The following LTV1 variants were observed in gnomAD, a reference collection of about 807,000 sequenced individuals.
LTV1 encodes LTV1 ribosome biogenesis factor.
A neutral mutation model predicts 59.9 loss-of-function variants in LTV1; 39 were observed. The ratio of observed to expected loss-of-function variants is 0.65; its 90% confidence interval spans 0.50 to 0.85. LTV1 has a LOEUF of 0.85. Among genes scored for constraint, LTV1 ranks in the 40% least tolerant of loss-of-function variants. LTV1 has a pLI of 0.00. For synonymous variants in LTV1, 171 were observed against 189.5 expected (o/e 0.90, Z 0.80); for missense variants, 493 against 549.1 (o/e 0.90, Z 1.02).
At chr6:143,860,282 C>A in intron 6 of LTV1, 144 bp from the exon 7 acceptor site, 1 of 629,250 alleles carries the variant, frequency 1.6e-6, no homozygotes, top group Admixed American at 3.0e-5. Context: ...TGCATTAAAT[C>A]CCTACTGATA....
Position 143,846,092 on chromosome 6 carries a change from A to G in LTV1, c.177A>G (p.Gly59=), listed in dbSNP as rs755884990. ...GGCGAGCAGAACAGAGGAAGTATGG[A>G]GTGTTCTTTGATGACGACTATGACT... ...EERRAEQRKY[G]VFFDDDYDYL... is the part of the protein sequence containing the mutation. The change falls in exon 3 of 11, where the codon GGA becomes GGG. Residue 59 remains glycine, a synonymous_variant. Transcript: ENST00000367576. 1 of 1,614,218 alleles carries G rather than the reference A, an allele frequency of 6.2e-7. No individual in the cohort carries two copies. Among genetic ancestry groups the G allele is most frequent in the East Asian group, 2.2e-5 (1 of 44,878 alleles).
rs189686322 is a variant in LTV1 at position 143,847,549 on chromosome 6, C to T, written c.309+1325C>T. ...GCTAATTTTGTATTTTTAGTAGAGC[C>T]GGGGTTTCTCCGTGTTGGTCAGGCT... is the stretch of plus-strand genomic sequence containing the variant. On this transcript the variant is annotated intron_variant, in intron 3 of 10. Transcript: ENST00000367576. 7.2e-5 allele frequency among the ~76,000 whole-genome samples: 11 copies of T among 152,220 alleles called. No individual in the cohort carries two copies. The East Asian group carries it at 1.7e-3, about 24-fold the overall frequency.
intron 6 of LTV1, 86 bp from the exon 7 acceptor site, chr6:143,860,340 A>C: frequency 8.8e-7 from 1 of 1,138,934 alleles, no homozygotes; most frequent in Non-Finnish European, 1.2e-6. Context: ...GTGTAAGAAT[A>C]AAGTTAATGT....
At position 143,855,954 on chromosome 6, in the gene LTV1, G is replaced by GTGTTCTCTGTGT. The variant is rs1554234802; in HGVS notation, c.398-1348_398-1347insGTTCTCTGTGTT. Reference sequence around the variant, plus strand: ...GCTCTTCTCGAGGAGTATCTTTGTGGTTCCTGAATTTGAATGTTGGCCTCT... The same window carrying GTGTTCTCTGTGT: ...GCTCTTCTCGAGGAGTATCTTTGTGGTGTTCTCTGTGTTTCCTGAATTTGAATGTTGGCCTCT... On this transcript the variant is annotated intron_variant, in intron 4 of 10. Coordinates refer to ENST00000367576, the MANE Select transcript of LTV1 (RefSeq NM_032860.5). The surrounding 1 kb of genome is among the most constrained non-coding windows in gnomAD (Gnocchi z 4.6). Among the ~76,000 whole-genome samples, 2 of 151,072 alleles carry GTGTTCTCTGTGT rather than the reference G, an allele frequency of 1.3e-5. No homozygotes were observed. Among genetic ancestry groups the GTGTTCTCTGTGT allele is most frequent in the Admixed American group, 6.6e-5 (1 of 15,160 alleles).
chr6:143,846,706 T>A (rs1171353312), intron 3 of LTV1, among the ~76,000 whole-genome samples: 1 of 152,238 alleles, frequency 6.6e-6, no homozygotes, highest in East Asian at 1.9e-4. Context: ...CTTTAATACC[T>A]TCTCTTTCAG....
In LTV1 at chr6:143,857,869, C is replaced by CG. The variant is rs773808886; in HGVS notation, c.659dup (p.Thr222AsnfsTer13). The CG allele has an allele frequency of 6.2e-7, 1 of 1,613,966 alleles. No individual in the cohort carries two copies. The highest frequency in any genetic ancestry group is 1.1e-5 in the South Asian group (1 of 91,074). On this transcript the variant is annotated frameshift_variant, in exon 6 of 11. Coordinates refer to ENST00000367576, the MANE Select transcript of LTV1 (RefSeq NM_032860.5). LOFTEE classifies it high-confidence loss of function. The surrounding 1 kb of genome is among the most constrained non-coding windows in gnomAD (Gnocchi z 5.2). ...CAGATGAAGACTGTATGTCTGTGCCCGGAAAAACTCACAGAGCTATAGCAG... is the reference window on the plus strand; with the variant it reads ...CAGATGAAGACTGTATGTCTGTGCCCGGGAAAAACTCACAGAGCTATAGCAG...
At chr6:143,850,034 T>C (rs1037203301) in intron 3 of LTV1, 97 bp from the exon 4 acceptor site, 4 of 873,454 alleles carry the variant, frequency 4.6e-6, no homozygotes, top group Non-Finnish European at 7.6e-6. Flanking sequence ...AGTCTAAGGT[T>C]CTGGATGGAC....
Position 143,860,868 on chromosome 6 carries a change from G to A in LTV1, c.923+315G>A, listed in dbSNP as rs558604397. Reference sequence around the variant, plus strand: ...TCTCCGTATCTTTGACTGGAGAAGAGTCATGGTAGAATGTGTATTCGTTTA... The same window carrying A: ...TCTCCGTATCTTTGACTGGAGAAGAATCATGGTAGAATGTGTATTCGTTTA... On this transcript the variant is annotated intron_variant, in intron 7 of 10. Coordinates refer to ENST00000367576, the MANE Select transcript of LTV1 (RefSeq NM_032860.5). Among the ~76,000 whole-genome samples, 86 of 152,038 alleles carry A rather than the reference G, an allele frequency of 5.7e-4. 2 individuals are homozygous for A. Among genetic ancestry groups the A allele is most frequent in the African/African-American group, 2.0e-3 (83 of 41,482 alleles).
At chr6:143,846,015 A>T in intron 2 of LTV1, 36 bp from the exon 3 acceptor site, 1 of 1,599,618 alleles carries the variant, frequency 6.3e-7, no homozygotes, top group Non-Finnish European at 8.5e-7. Flanking sequence ...TTGTTTATAG[A>T]TAGTGAAGAA....
intron 4 of LTV1, among the ~76,000 whole-genome samples, chr6:143,851,454 CA>C (rs1776982449): frequency 6.6e-6 from 1 of 152,026 alleles, no homozygotes; most frequent in Non-Finnish European, 1.5e-5. Flanking sequence ...ATTTAAAGGC[CA>C]GTTTCTTCTT....
At chr6:143,858,433 C>G in intron 6 of LTV1, 1 of 175,470 alleles carries the variant, frequency 5.7e-6, no homozygotes, top group Admixed American at 5.4e-5. Context: ...GCCCTTAAAC[C>G]CTCACCATCT....
rs1380414702 is a variant in LTV1 at position 143,843,417 on chromosome 6, C to A, written c.-61C>A. ...GCCTTCAGCTGGACCTTGGTCTCCC[C>A]GCCGGACTTCGAGGGTGTCATCGCC... On this transcript the variant is annotated 5_prime_UTR_variant, in exon 1 of 11. Coordinates refer to ENST00000367576, the MANE Select transcript of LTV1 (RefSeq NM_032860.5). 6.2e-6 allele frequency: 10 copies of A among 1,609,720 alleles called. No homozygotes were observed. The highest frequency in any genetic ancestry group is 8.5e-6 in the Non-Finnish European group (10 of 1,178,986).
intron 3 of LTV1, among the ~76,000 whole-genome samples, chr6:143,849,312 A>G (rs987369697): frequency 2.0e-5 from 3 of 152,224 alleles, no homozygotes; most frequent in Admixed American, 2.0e-4. Flanking sequence ...CAATTCATAC[A>G]AGGGCTGTGC....
chr6:143,845,513 C>T (rs1466289417), intron 2 of LTV1, among the ~76,000 whole-genome samples: 2 of 152,140 alleles, frequency 1.3e-5, no homozygotes, highest in Non-Finnish European at 2.9e-5. Flanking sequence ...GTAGCCGGTA[C>T]TACAGGCACA....
chr6:143,858,447 ATGT>A (rs1777114228), intron 6 of LTV1: 1 of 170,968 alleles, frequency 5.8e-6, no homozygotes, highest in Non-Finnish European at 1.3e-5. Context: ...ACCATCTCTA[ATGT>A]TGTGCTTCTT....
intron 4 of LTV1, among the ~76,000 whole-genome samples, chr6:143,850,462 C>T (rs900121563): frequency 6.6e-6 from 1 of 152,138 alleles, no homozygotes; most frequent in Non-Finnish European, 1.5e-5. Flanking sequence ...TCTTGGTAAT[C>T]TAGTTAGGGG....
rs1777182078 is a variant in LTV1, at chr6:143,862,474, T to C, written c.1063+231T>C. Reference sequence around the variant, plus strand: ...GGTGGCAGGCAACTGTAATCCCAGCTGCTCGAGAGGCTGAGGCAGGAGAAT... The same window carrying C: ...GGTGGCAGGCAACTGTAATCCCAGCCGCTCGAGAGGCTGAGGCAGGAGAAT... On this transcript the variant is annotated intron_variant, in intron 8 of 10. Transcript: ENST00000367576. This position sits in a 1 kb window ranked among gnomAD's most constrained non-coding sequence, Gnocchi z 4.2. Among the ~76,000 whole-genome samples, 2 of 152,056 alleles carry C rather than the reference T, an allele frequency of 1.3e-5. 1 individual carries two copies. Among genetic ancestry groups the C allele is most frequent in the South Asian group, 4.1e-4 (2 of 4,824 alleles).
At chr6:143,861,651 A>G (rs951926833) in intron 7 of LTV1, among the ~76,000 whole-genome samples, 3 of 152,204 alleles carry the variant, frequency 2.0e-5, no homozygotes, top group Admixed American at 6.5e-5. Flanking sequence ...TTGGCAAATC[A>G]GCATCCACAT....
chr6:143,858,143 T>C, intron 6 of LTV1, 136 bp downstream of exon 6: 1 of 791,094 alleles, frequency 1.3e-6, no homozygotes, highest in South Asian at 1.7e-5. Context: ...ACTATCCAGC[T>C]ATAGGTTCGT....
Sources: gnomAD v4.1 joint callset for allele counts (sites outside exome capture counted in the v4.1 genomes callset) on GRCh38, gnomAD v4.1.1 for gene constraint, Gnocchi (gnomAD v3.1) non-coding constraint, MANE v1.5 for transcripts, NCBI Gene and HGNC (gene_info 2026-07-23, HGNC 2026-07-21) for gene names.